The following ACER1 variants were observed in gnomAD, a reference collection of about 807,000 sequenced individuals.
ACER1 encodes CTB-180A7.3.
Under a neutral mutation model 24.9 loss-of-function variants are expected in ACER1, and 28 were observed. The observed-to-expected ratio is 1.13, with a 90% CI of 0.83 to 1.54. The LOEUF (loss-of-function observed/expected upper bound fraction) is 1.54. ACER1 is among the 40% of genes most tolerant of loss of function. The pLI, the probability that ACER1 is intolerant of heterozygous loss-of-function variation, is 0.00. For missense variants in ACER1, 352 were observed against 349.3 expected, an observed-to-expected ratio of 1.01 and a Z score of -0.06; for synonymous variants, 132 against 131.4, an observed-to-expected ratio of 1.00 and a Z score of -0.03.
the ACER1 span, among the ~76,000 whole-genome samples, chr19:6,348,643 C>T: frequency 6.6e-6 from 1 of 151,930 alleles, no homozygotes; most frequent in Non-Finnish European, 1.5e-5. Context: ...TGGAATGCTC[C>T]ACAGGCATTA....
chr19:6,342,472 C>A, the ACER1 span, among the ~76,000 whole-genome samples: 1 of 151,964 alleles, frequency 6.6e-6, no homozygotes, highest in Non-Finnish European at 1.5e-5. Flanking sequence ...GTAATCCCAG[C>A]ACTTTGGGAG....
intron 1 of ACER1, among the ~76,000 whole-genome samples, chr19:6,318,169 A>G (rs1199207563): frequency 6.6e-6 from 1 of 151,834 alleles, no homozygotes; most frequent in East Asian, 1.9e-4. Flanking sequence ...AAACAAAAAA[A>G]AAGTACAAAA....
chr19:6,312,538 A>G (rs2091587317), intron 1 of ACER1, 39 bp from the exon 2 acceptor site: 2 of 1,551,498 alleles, frequency 1.3e-6, no homozygotes, highest in African/African-American at 2.7e-5. Context: ...CTCGTCAGAT[A>G]GGGGAGACGG....
intron 1 of ACER1, among the ~76,000 whole-genome samples, chr19:6,330,677 G>C (rs1423389869): frequency 6.7e-6 from 1 of 148,674 alleles, no homozygotes; most frequent in African/African-American, 2.6e-5. Flanking sequence ...GACCACAGTG[G>C]CTGCTGGGGA....
At chr19:6,355,798 G>T in the ACER1 span, among the ~76,000 whole-genome samples, 3 of 147,038 alleles carry the variant, frequency 2.0e-5, no homozygotes, top group African/African-American at 5.2e-5. Flanking sequence ...GGAGGGAGGT[G>T]GGGGGTTCAG....
At chr19:6,353,868 A>T in the ACER1 span, among the ~76,000 whole-genome samples, 2 of 150,652 alleles carry the variant, frequency 1.3e-5, no homozygotes, top group Non-Finnish European at 3.0e-5. Flanking sequence ...ATAAAATAAA[A>T]TAAATAAAAT....
At chr19:6,343,078 A>G in the ACER1 span, among the ~76,000 whole-genome samples, 2 of 152,290 alleles carry the variant, frequency 1.3e-5, no homozygotes, top group Admixed American at 6.5e-5. Flanking sequence ...CACCCAGCCA[A>G]AAGTTTTTTC....
chr19:6,332,919 T>C (rs2091695519), intron 1 of ACER1, among the ~76,000 whole-genome samples: 1 of 152,050 alleles, frequency 6.6e-6, no homozygotes, highest in African/African-American at 2.4e-5. Context: ...TCCACCCACC[T>C]TGGCCTTCCA....
intron 4 of ACER1, among the ~76,000 whole-genome samples, chr19:6,307,620 A>T (rs1404521036): frequency 2.1e-5 from 3 of 144,184 alleles, no homozygotes; most frequent in African/African-American, 7.5e-5. Flanking sequence ...CCCATCTCTA[A>T]AAAAAAAAAA....
chr19:6,341,732 G>A, the ACER1 span, among the ~76,000 whole-genome samples: 14 of 152,042 alleles, frequency 9.2e-5, no homozygotes, highest in African/African-American at 1.9e-4. Flanking sequence ...GGGTTCAAGC[G>A]ATTCTCCTAC....
chr19:6,326,883 T>C (rs1474880790), intron 1 of ACER1, among the ~76,000 whole-genome samples: 2 of 152,252 alleles, frequency 1.3e-5, no homozygotes, highest in African/African-American at 2.4e-5. Flanking sequence ...TCTCCCCACA[T>C]TGTAGCTACA....
chr19:6,358,590 G>A, the ACER1 span, among the ~76,000 whole-genome samples: 182 of 148,976 alleles, frequency 1.2e-3, no homozygotes, highest in African/African-American at 3.9e-3. Flanking sequence ...CCGCACCACT[G>A]CACTCCAGCC....
intron 4 of ACER1, 82 bp downstream of exon 4, chr19:6,309,615 C>G: frequency 6.4e-7 from 1 of 1,560,042 alleles, no homozygotes; most frequent in Non-Finnish European, 8.8e-7. Context: ...GGAGAAGGGA[C>G]GTCCCCTCCG....
intron 1 of ACER1, among the ~76,000 whole-genome samples, chr19:6,329,411 A>AATAGAATAGAATAGG (rs2091677412): frequency 6.6e-6 from 1 of 152,078 alleles, no homozygotes; most frequent in Non-Finnish European, 1.5e-5. Context: ...AATAGAATAG[A>AATAGAATAGAATAGG]TCCAGGTGTG....
intron 1 of ACER1, among the ~76,000 whole-genome samples, chr19:6,318,279 G>C (rs957133164): frequency 6.6e-6 from 1 of 152,038 alleles, no homozygotes; most frequent in Non-Finnish European, 1.5e-5. Flanking sequence ...AGACCAGCCT[G>C]GCCAACATGG....
chr19:6,335,083 C>T (rs1057333775), upstream of ACER1, among the ~76,000 whole-genome samples: 7 of 145,132 alleles, frequency 4.8e-5, no homozygotes, highest in South Asian at 2.1e-4. Flanking sequence ...ATTAAAAATA[C>T]TATTGTTATA....
At chr19:6,324,865 A>G (rs542051633) in intron 1 of ACER1, among the ~76,000 whole-genome samples, 19 of 79,628 alleles carry the variant, frequency 2.4e-4, no homozygotes, top group African/African-American at 1.4e-3. Context: ...GAGAGAAAGG[A>G]AGGAAGGAAG....
At chr19:6,359,478 C>T in the ACER1 span, among the ~76,000 whole-genome samples, 1 of 151,724 alleles carries the variant, frequency 6.6e-6, no homozygotes, top group South Asian at 2.1e-4. Flanking sequence ...ACCACCATGC[C>T]GAGATAATTT....
the ACER1 span, among the ~76,000 whole-genome samples, chr19:6,348,687 T>C: frequency 6.6e-6 from 1 of 151,986 alleles, no homozygotes; most frequent in African/African-American, 2.4e-5. Context: ...GAGTCACCAT[T>C]TGGATTCTCC....
Sources: allele counts gnomAD v4.1 joint callset (sites outside exome capture counted in the v4.1 genomes callset), GRCh38; gene constraint gnomAD v4.1.1; transcripts MANE v1.5; gene names NCBI Gene and HGNC (gene_info 2026-07-23, HGNC 2026-07-21).